Variants in ASTN2 observed in about 807,000 individuals in gnomAD.
The protein encoded by ASTN2 is astrotactin 2, also known as astrotactin-2.
In ASTN2, 54 loss-of-function variants were observed where a neutral mutation model predicts 139.8. That is an observed-to-expected ratio of 0.39 (90% CI 0.31 to 0.48). ASTN2 has a LOEUF of 0.48. Ranked by LOEUF, ASTN2 falls within the 20% of genes least tolerant of loss-of-function variation. The pLI, the probability that ASTN2 is intolerant of heterozygous loss-of-function variation, is 0.95. For missense variants in ASTN2, 1,565 were observed against 1,725.1 expected, an observed-to-expected ratio of 0.91 and a Z score of 1.64; for synonymous variants, 756 against 719.5, an observed-to-expected ratio of 1.05 and a Z score of -0.81.
At chr9:116,895,217 TA>T (rs1294780611) in intron 10 of ASTN2, among the ~76,000 whole-genome samples, 1 of 152,244 alleles carries the variant, frequency 6.6e-6, no homozygotes, top group Non-Finnish European at 1.5e-5. Context: ...ACAGGATTGT[TA>T]AAACTATTGT....
intron 10 of ASTN2, among the ~76,000 whole-genome samples, chr9:116,947,710 C>A (rs1835437142): frequency 6.6e-6 from 1 of 152,154 alleles, no homozygotes; most frequent in Non-Finnish European, 1.5e-5. Context: ...AAGTTGCCAA[C>A]CAGATGCCCC....
intron 16 of ASTN2, chr9:116,686,642 A>G (rs1860227053): frequency 1.3e-6 from 2 of 1,509,612 alleles, no homozygotes; most frequent in African/African-American, 1.4e-5. Context: ...CCACCTGGTA[A>G]GATTCCTCCA....
chr9:116,432,045 A>T (rs189269029), intron 22 of ASTN2, among the ~76,000 whole-genome samples: 10 of 152,332 alleles, frequency 6.6e-5, no homozygotes, highest in Non-Finnish European at 1.0e-4. Context: ...GAGTCGTAGC[A>T]GGCGTTTGTC....
intron 3 of ASTN2, among the ~76,000 whole-genome samples, chr9:117,184,800 G>A (rs1241907621): frequency 6.6e-6 from 1 of 152,170 alleles, no homozygotes; most frequent in Non-Finnish European, 1.5e-5. Context: ...AGACCAGCAA[G>A]GAAGGGTCCA....
intron 19 of ASTN2, among the ~76,000 whole-genome samples, chr9:116,534,118 AT>A (rs777028563): frequency 6.6e-6 from 1 of 151,792 alleles, no homozygotes; most frequent in Non-Finnish European, 1.5e-5. Context: ...GAATTTATCC[AT>A]TTTTTCTAGA....
chr9:116,809,470 C>T (rs1288090107), intron 12 of ASTN2, among the ~76,000 whole-genome samples: 2 of 152,018 alleles, frequency 1.3e-5, no homozygotes, highest in Non-Finnish European at 2.9e-5. Context: ...GTTTTAATTA[C>T]TATAGCTTTA....
At chr9:117,391,751 A>G (rs1470481160) in intron 1 of ASTN2, among the ~76,000 whole-genome samples, 1 of 152,218 alleles carries the variant, frequency 6.6e-6, no homozygotes, top group East Asian at 1.9e-4. Flanking sequence ...TCCACAGTCC[A>G]AAGTCTCATC....
chr9:117,053,157 T>C (rs1838961653), intron 5 of ASTN2, among the ~76,000 whole-genome samples: 1 of 152,044 alleles, frequency 6.6e-6, no homozygotes, highest in Non-Finnish European at 1.5e-5. Flanking sequence ...AACAATCCTC[T>C]GTGTAGGTAG....
At chr9:116,871,016 T>A (rs890038545) in intron 10 of ASTN2, among the ~76,000 whole-genome samples, 1 of 152,090 alleles carries the variant, frequency 6.6e-6, no homozygotes, top group African/African-American at 2.4e-5. Context: ...CCCAGCACAT[T>A]GGGAGGCCGA....
chr9:116,450,798 C>T (rs148882036), intron 20 of ASTN2, among the ~76,000 whole-genome samples: 1 of 152,352 alleles, frequency 6.6e-6, no homozygotes, highest in African/African-American at 2.4e-5. Context: ...CAGAACCCAA[C>T]TTTCCTGTCT....
chr9:116,723,475 A>C (rs915515821), intron 16 of ASTN2, among the ~76,000 whole-genome samples: 8 of 152,122 alleles, frequency 5.3e-5, no homozygotes, highest in Non-Finnish European at 8.8e-5. Flanking sequence ...GCACTGCACT[A>C]TCTCTCCTCC....
chr9:116,728,079 G>T (rs1195900770), intron 15 of ASTN2, among the ~76,000 whole-genome samples: 1 of 152,078 alleles, frequency 6.6e-6, no homozygotes, highest in African/African-American at 2.4e-5. Context: ...AATATCCTAG[G>T]TCAGGCCTCA....
At chr9:117,322,224 T>A (rs1828350265) in intron 1 of ASTN2, among the ~76,000 whole-genome samples, 1 of 152,200 alleles carries the variant, frequency 6.6e-6, no homozygotes, top group Admixed American at 6.5e-5. Context: ...TATCACATTA[T>A]GGTTATCCCT....
chr9:117,128,563 G>A (rs556981912), intron 4 of ASTN2, among the ~76,000 whole-genome samples: 6 of 152,108 alleles, frequency 3.9e-5, no homozygotes, highest in African/African-American at 1.4e-4. Flanking sequence ...ATTTTACAAA[G>A]GAGGTCTGAT....
At chr9:116,515,698 A>C (rs982570919) in intron 19 of ASTN2, among the ~76,000 whole-genome samples, 4 of 152,208 alleles carry the variant, frequency 2.6e-5, no homozygotes, top group African/African-American at 9.7e-5. Flanking sequence ...GCCAAAGGCC[A>C]CCTGACTCCT....
intron 11 of ASTN2, among the ~76,000 whole-genome samples, chr9:116,842,537 C>A (rs1832292430): frequency 6.6e-6 from 1 of 151,994 alleles, no homozygotes; most frequent in Non-Finnish European, 1.5e-5. Context: ...AAAGGCTCTG[C>A]CAGTCCCCAG....
At chr9:116,971,959 C>A (rs1264510405) in intron 10 of ASTN2, among the ~76,000 whole-genome samples, 1 of 152,154 alleles carries the variant, frequency 6.6e-6, no homozygotes, top group African/African-American at 2.4e-5. Flanking sequence ...AGGTCCATAG[C>A]CTATGCCCTC....
At chr9:116,957,826 A>T (rs905905148) in intron 10 of ASTN2, among the ~76,000 whole-genome samples, 1 of 152,176 alleles carries the variant, frequency 6.6e-6, no homozygotes. Flanking sequence ...GACTACAGGC[A>T]CATGCCACCA....
intron 13 of ASTN2, among the ~76,000 whole-genome samples, chr9:116,775,207 T>G (rs1830049971): frequency 6.6e-6 from 1 of 151,922 alleles, no homozygotes; most frequent in Non-Finnish European, 1.5e-5. Context: ...ACTGAGTCCC[T>G]CAGCAGAGGA....
Sources: gnomAD v4.1 joint callset for allele counts (sites outside exome capture counted in the v4.1 genomes callset) on GRCh38, gnomAD v4.1.1 for gene constraint, MANE v1.5 for transcripts, NCBI Gene and HGNC (gene_info 2026-07-23, HGNC 2026-07-21) for gene names.